Variants in EFCAB3 observed in about 807,000 individuals in gnomAD.
EFCAB3 encodes EF-hand calcium-binding domain-containing protein 3.
In EFCAB3, 36 loss-of-function variants were observed where a neutral mutation model predicts 42.2. That is an observed-to-expected ratio of 0.85 (90% CI 0.65 to 1.13). The LOEUF is 1.13. Ranked by LOEUF, EFCAB3 falls within the 50% of genes most tolerant of loss-of-function variation. The pLI, the probability that EFCAB3 is intolerant of heterozygous loss-of-function variation, is 0.00. For missense variants in EFCAB3, 418 were observed against 505.1 expected, an observed-to-expected ratio of 0.83 and a Z score of 1.65; for synonymous variants, 170 against 172.8, an observed-to-expected ratio of 0.98 and a Z score of 0.13.
chr17:62,385,265 G>A (rs1294064560), intron 2 of EFCAB3, among the ~76,000 whole-genome samples: 3 of 152,060 alleles, frequency 2.0e-5, no homozygotes, highest in Non-Finnish European at 4.4e-5. Context: ...GCAACATAAG[G>A]AGATCTTGTC....
At chr17:62,391,732 C>A (rs764362843) in intron 3 of EFCAB3, 90 bp from the exon 4 acceptor site, 4 of 1,281,452 alleles carry the variant, frequency 3.1e-6, no homozygotes, top group African/African-American at 1.5e-5. Flanking sequence ...AACATGATCT[C>A]CAGTCAACTA....
chr17:62,392,022 T>A (rs1203169145), intron 4 of EFCAB3, 57 bp downstream of exon 4: 32 of 1,531,828 alleles, frequency 2.1e-5, no homozygotes, highest in Non-Finnish European at 2.7e-5. Flanking sequence ...GAATATATAG[T>A]TTTCTTTTAA....
At chr17:62,398,085 G>T in intron 6 of EFCAB3, 1 of 314,892 alleles carries the variant, frequency 3.2e-6, no homozygotes. Context: ...TTGTCAAAGT[G>T]CCCAATGTCT....
rs532941112 is a variant in EFCAB3 at position 62,413,745 on chromosome 17, A to G, written c.881A>G (p.Lys294Arg). The change falls in exon 9 of 10, where the codon AAG (lysine) becomes AGG (arginine). Residue 294 changes from lysine (K) to arginine (R), a missense_variant. Coordinates refer to ENST00000305286, the MANE Select transcript of EFCAB3 (RefSeq NM_173503.4). ...ATATGCATAAAGGCAGCAAATATAAAGTCTATGGACCCTGCCTCAGGTTAT... is the reference window on the plus strand; with the variant it reads ...ATATGCATAAAGGCAGCAAATATAAGGTCTATGGACCCTGCCTCAGGTTAT... The part of the protein sequence containing the change: ...RDWKTQAANI[K>R]SMDPASGYSN... 6.2e-7 allele frequency: 1 copy of G among 1,600,140 alleles called. No homozygotes were observed. The highest frequency in any genetic ancestry group is 2.2e-5 in the East Asian group (1 of 44,796).
intron 3 of EFCAB3, among the ~76,000 whole-genome samples, chr17:62,390,147 G>A (rs1040755722): frequency 2.6e-5 from 4 of 152,134 alleles, no homozygotes; most frequent in African/African-American, 9.7e-5. Context: ...ATAGCCGGAG[G>A]GGGAAATGGG....
rs777634347 is a variant in EFCAB3 at position 62,407,077 on chromosome 17, A to G, written c.732A>G (p.Pro244=). 2 of 1,606,158 alleles carry G rather than the reference A, an allele frequency of 1.2e-6. No individual in the cohort carries two copies. Among genetic ancestry groups the G allele is most frequent in the Non-Finnish European group, 1.7e-6 (2 of 1,177,810 alleles). ...DSPYSKIPIF[P]LFPNVDGVVM... ...CATATTCAAAAATACCCATCTTTCC[A>G]TTGTTCCCTAATGTGGATGGGGTGG... Residue 244 remains proline, a synonymous_variant, in exon 8 of 10, where the codon CCA becomes CCG. Transcript: ENST00000305286.
chr17:62,395,843 T>G (rs1255379679), intron 6 of EFCAB3, among the ~76,000 whole-genome samples: 7 of 152,214 alleles, frequency 4.6e-5, no homozygotes, highest in Admixed American at 1.3e-4. Flanking sequence ...TCTTTTCAAT[T>G]CATACTCCTT....
intron 4 of EFCAB3, 61 bp from the exon 5 acceptor site, chr17:62,393,512 A>T: frequency 7.8e-7 from 1 of 1,278,812 alleles, no homozygotes; most frequent in Non-Finnish European, 1.1e-6. Flanking sequence ...TATATTTAAT[A>T]TATACTCTGA....
intron 5 of EFCAB3, among the ~76,000 whole-genome samples, chr17:62,394,091 C>T (rs1598012835): frequency 6.6e-6 from 1 of 151,980 alleles, no homozygotes; most frequent in African/African-American, 2.4e-5. Flanking sequence ...GTAGCTGGGA[C>T]TACAGGCGCC....
intron 3 of EFCAB3, among the ~76,000 whole-genome samples, chr17:62,387,927 A>G (rs561616065): frequency 2.0e-5 from 3 of 152,162 alleles, no homozygotes; most frequent in Non-Finnish European, 4.4e-5. Flanking sequence ...TGAACTTGCC[A>G]GGCACGGTGG....
chr17:62,388,538 C>T (rs991017438), intron 3 of EFCAB3, among the ~76,000 whole-genome samples: 1 of 152,190 alleles, frequency 6.6e-6, no homozygotes, highest in African/African-American at 2.4e-5. Flanking sequence ...TGATGCTTTA[C>T]CCCACTAAAT....
chr17:62,385,198 C>T (rs980254296), intron 2 of EFCAB3, among the ~76,000 whole-genome samples: 1 of 152,294 alleles, frequency 6.6e-6, no homozygotes, highest in South Asian at 2.1e-4. Context: ...AATCCCAACA[C>T]TTTGGGAGGT....
chr17:62,373,299 A>G (rs1298478759), intron 1 of EFCAB3, among the ~76,000 whole-genome samples: 3 of 143,282 alleles, frequency 2.1e-5, no homozygotes, highest in African/African-American at 5.1e-5. Context: ...AAAAAAATGT[A>G]GAAATAGGTA....
Position 62,373,981 on chromosome 17 carries a change from TA to T in EFCAB3, c.88+115del, listed in dbSNP as rs1209922310. ...ATATGTTCATTATAGAAAATTTCTA[TA>T]TTTAGCAAATGAAAAGATGAAAAAA... On this transcript the variant is annotated intron_variant, in intron 2 of 11. Transcript: ENST00000450662. The T allele has an allele frequency of 5.7e-6, 3 of 525,728 alleles. No homozygotes were observed. In the African/African-American group the frequency reaches 6.0e-5, roughly 10 times the overall value. 32.6% of individuals were successfully genotyped at this position (525,728 alleles called of 1,614,324 possible).
chr17:62,377,194 T>A (rs2070157722), upstream of EFCAB3, among the ~76,000 whole-genome samples: 1 of 152,254 alleles, frequency 6.6e-6, no homozygotes, highest in African/African-American at 2.4e-5. Context: ...TATGTATTGC[T>A]TTCTGCATTA....
At chr17:62,402,539 T>G (rs2070412927) in intron 6 of EFCAB3, among the ~76,000 whole-genome samples, 1 of 152,212 alleles carries the variant, frequency 6.6e-6, no homozygotes, top group Admixed American at 6.5e-5. Context: ...CTGCATCTAT[T>G]GAGATCATCA....
chr17:62,398,834 A>G (rs2070376812), intron 6 of EFCAB3, among the ~76,000 whole-genome samples: 1 of 152,212 alleles, frequency 6.6e-6, no homozygotes, highest in African/African-American at 2.4e-5. Context: ...TAAGTGGCAA[A>G]GATAATTATT....
upstream of EFCAB3, among the ~76,000 whole-genome samples, chr17:62,379,051 C>T (rs2070173994): frequency 6.6e-6 from 1 of 152,000 alleles, no homozygotes; most frequent in African/African-American, 2.4e-5. Context: ...AAAAGACAAC[C>T]CACAGAATAG....
upstream of EFCAB3, among the ~76,000 whole-genome samples, chr17:62,376,511 A>T (rs2070151975): frequency 1.3e-5 from 2 of 152,134 alleles, no homozygotes; most frequent in African/African-American, 4.8e-5. Flanking sequence ...TAAGGGACAA[A>T]TTTTATTTCT....
Sources: gnomAD v4.1 joint callset for allele counts (sites outside exome capture counted in the v4.1 genomes callset) on GRCh38, gnomAD v4.1.1 for gene constraint, MANE v1.5 for transcripts, NCBI Gene and HGNC (gene_info 2026-07-23, HGNC 2026-07-21) for gene names.